F5: variants seen among roughly 807,000 people sequenced by gnomAD.
F5 encodes the protein coagulation factor V.
Under a neutral mutation model 216.4 loss-of-function variants are expected in F5, and 138 were observed. That is an observed-to-expected ratio of 0.64 (90% CI 0.56 to 0.73). F5 has a LOEUF of 0.73. Among genes scored for constraint, F5 ranks in the 30% least tolerant of loss-of-function variants. The pLI is 0.00. For synonymous variants in F5, 916 were observed against 930.7 expected, an observed-to-expected ratio of 0.98 and a Z score of 0.29; for missense variants, 2,403 against 2,674.0, an observed-to-expected ratio of 0.90 and a Z score of 2.24.
rs1449461134 is a variant in F5, at chr1:169,523,354, T to A, written c.5893-2A>T. 6.2e-7 allele frequency: 1 copy of A among 1,613,848 alleles called. No individual in the cohort carries two copies. The highest frequency in any genetic ancestry group is 1.3e-5 in the African/African-American group (1 of 74,934). ...TATGACTTCCTTTTGCATGTCCACC[T>A]GCAATATAGGAAAGCCAGTAAACAG... On this transcript the variant is annotated splice_acceptor_variant, in intron 20 of 24. Coordinates refer to ENST00000367797, the MANE Select transcript of F5 (RefSeq NM_000130.5). LOFTEE classifies it high-confidence loss of function.
rs1353240727 is a variant in F5 at position 169,536,062 on chromosome 1, G to T, written c.4971+444C>A. Among the ~76,000 whole-genome samples the T allele has an allele frequency of 2.6e-5, 4 of 152,094 alleles. No individual in the cohort carries two copies. In the South Asian group the frequency reaches 8.3e-4, roughly 32 times the overall value. On this transcript the variant is annotated intron_variant, in intron 14 of 24. Transcript: ENST00000367797. ...CTTGCTCACTTTTGGAGGGCATGGA[G>T]ACATCTTTACTTTCCTTACTCATTT...
intron 7 of F5, among the ~76,000 whole-genome samples, chr1:169,554,081 A>G (rs1660250670): frequency 1.2e-5 from 1 of 86,714 alleles, no homozygotes; most frequent in African/African-American, 3.9e-5. Context: ...TCCTAGTTTA[A>G]TTGTTTTTAA....
intron 14 of F5, among the ~76,000 whole-genome samples, chr1:169,535,742 A>G (rs1168210187): frequency 6.6e-6 from 1 of 152,204 alleles, no homozygotes; most frequent in Non-Finnish European, 1.5e-5. Flanking sequence ...TGCCTCCCAT[A>G]GCTTCATGGA....
chr1:169,541,157 G>T lies in F5; in HGVS notation c.3933C>A (p.Asn1311Lys). 6.3e-7 allele frequency: 1 copy of T among 1,574,832 alleles called. No homozygotes were observed. The highest frequency in any genetic ancestry group is 8.6e-7 in the Non-Finnish European group (1 of 1,158,350). Residue 1311 changes from asparagine to lysine, a missense_variant, in exon 13 of 25, where the codon AAC (asparagine) becomes AAA (lysine). This residue lies in a region of F5 where 26 missense variants were observed against 60.6 expected (regional missense o/e 0.43). Transcript: ENST00000367797. ...GCATCTGACCGAGGGCTGGGGAAAG[G>T]TTTGTCTGACTGAGTTCTGGAGAGA... ...MTLSPELSQT[N>K]LSPALGQMPI...
At chr1:169,528,487 G>A (rs1366486559) in intron 16 of F5, among the ~76,000 whole-genome samples, 1 of 152,158 alleles carries the variant, frequency 6.6e-6, no homozygotes, top group Non-Finnish European at 1.5e-5. Context: ...AGTCAGCAAG[G>A]AGATATGCAG....
chr1:169,526,490 A>C lies in F5; in HGVS notation c.5600-473T>G, dbSNP rs560323424. 2.0e-5 allele frequency among the ~76,000 whole-genome samples: 3 copies of C among 152,320 alleles called. No individual in the cohort carries two copies. The South Asian group carries it at 6.2e-4, about 32-fold the overall frequency. On this transcript the variant is annotated intron_variant, in intron 17 of 24. Transcript: ENST00000367797. ...CTTACATATTTGAATAGAGATTTAC[A>C]TAAATTGCTCAGAAAAAACACTGAA...
At chr1:169,557,078 A>G (rs1027211699) in intron 5 of F5, among the ~76,000 whole-genome samples, 2 of 152,212 alleles carry the variant, frequency 1.3e-5, no homozygotes, top group East Asian at 1.9e-4. Flanking sequence ...ATTGTGATAA[A>G]TGGCATTATA....
chr1:169,543,442 AG>A (rs9332602), intron 12 of F5, among the ~76,000 whole-genome samples: 8,355 of 152,288 alleles, frequency 0.055, 356 homozygotes, highest in Admixed American at 0.1. Context: ...AGGGGAAAAA[AG>A]GTCTTTCAGC....
In F5 at chr1:169,527,934, C is replaced by A. The variant is rs779460570; in HGVS notation, c.5580G>T (p.Gly1860=). 1 of 1,613,570 alleles carries A rather than the reference C, an allele frequency of 6.2e-7. No homozygotes were observed. ...CTTTACCAGGCAGAAGGGGCCAGAC[C>A]CCTAACTGGTGCTGTTTATTGCCAT... ...LENGNKQHQL[G]VWPLLPGSFK... Residue 1860 remains glycine (G), a synonymous_variant, in exon 17 of 25, where the codon GGG becomes GGT. Coordinates refer to ENST00000367797, the MANE Select transcript of F5 (RefSeq NM_000130.5).
intron 20 of F5, 37 bp downstream of exon 20, chr1:169,523,764 C>T (rs779854404): frequency 3.9e-5 from 57 of 1,463,608 alleles, no homozygotes; most frequent in Middle Eastern, 1.7e-4. Context: ...TTTATTATTA[C>T]GATAGCAGTA....
At chr1:169,577,259 A>G (rs114744910) in intron 2 of F5, among the ~76,000 whole-genome samples, 2 of 152,166 alleles carry the variant, frequency 1.3e-5, no homozygotes, top group African/African-American at 4.8e-5. Context: ...TGAACAATGC[A>G]TTACATAACA....
chr1:169,517,777 C>T (rs1452958408), intron 23 of F5, among the ~76,000 whole-genome samples: 1 of 151,746 alleles, frequency 6.6e-6, no homozygotes, highest in Non-Finnish European at 1.5e-5. Flanking sequence ...CTAGTTGCCT[C>T]AAGGAATATC....
intron 5 of F5, among the ~76,000 whole-genome samples, chr1:169,557,846 G>T (rs1389069944): frequency 6.6e-6 from 1 of 152,056 alleles, no homozygotes; most frequent in African/African-American, 2.4e-5. Flanking sequence ...CTTATATTGA[G>T]TTCAGCAATT....
chr1:169,522,858 C>T (rs914304928), intron 21 of F5, among the ~76,000 whole-genome samples: 1 of 152,162 alleles, frequency 6.6e-6, no homozygotes, highest in Non-Finnish European at 1.5e-5. Flanking sequence ...GTCTTGGTAG[C>T]CAATTTTTAG....
chr1:169,542,215 T>TGC lies in F5; in HGVS notation c.2874_2875insGC (p.Ile959AlafsTer15). On this transcript the variant is annotated frameshift_variant, in exon 13 of 25. Transcript: ENST00000367797. LOFTEE classifies it high-confidence loss of function. ...GCTGTGTCTTCATCAGTATCTTGGATTATTTCATAGCTACCTTTCTCAGAA... is the reference window on the plus strand; with the variant it reads ...GCTGTGTCTTCATCAGTATCTTGGATGCTATTTCATAGCTACCTTTCTCAGAA... 4 of 1,614,110 alleles carry TGC rather than the reference T, an allele frequency of 2.5e-6. No homozygotes were observed. Among genetic ancestry groups the TGC allele is most frequent in the Non-Finnish European group, 3.4e-6 (4 of 1,179,990 alleles).
chr1:169,553,016 T>C (rs769686552), intron 7 of F5, among the ~76,000 whole-genome samples: 7 of 152,222 alleles, frequency 4.6e-5, no homozygotes, highest in Non-Finnish European at 1.0e-4. Context: ...AGACATTTGA[T>C]ATCTCTGGGA....
intron 3 of F5, among the ~76,000 whole-genome samples, chr1:169,562,093 G>C (rs1330199337): frequency 2.0e-5 from 3 of 151,816 alleles, no homozygotes; most frequent in Non-Finnish European, 4.4e-5. Context: ...AATATTTGCT[G>C]AGCTTTGATT....
At chr1:169,551,112 C>G (rs767737907) in intron 8 of F5, among the ~76,000 whole-genome samples, 6 of 152,104 alleles carry the variant, frequency 3.9e-5, no homozygotes, top group Non-Finnish European at 8.8e-5. Flanking sequence ...AGACCATGAT[C>G]CCCTTCCCCT....
At chr1:169,578,848 C>A (rs2101844524) in intron 2 of F5, among the ~76,000 whole-genome samples, 1 of 152,274 alleles carries the variant, frequency 6.6e-6, no homozygotes, top group African/African-American at 2.4e-5. Flanking sequence ...TAAGGCCAAG[C>A]CAGCCCAAGG....
Sources: allele counts gnomAD v4.1 joint callset (sites outside exome capture counted in the v4.1 genomes callset), GRCh38; gene constraint gnomAD v4.1.1; regional missense constraint gnomAD v4.1.1; transcripts MANE v1.5; gene names NCBI Gene and HGNC (gene_info 2026-07-23, HGNC 2026-07-21).